RALGAPA1: variants seen among roughly 807,000 people sequenced by gnomAD.
The protein encoded by RALGAPA1 is ral GTPase-activating protein subunit alpha-1.
In RALGAPA1, 52 loss-of-function variants were observed where a neutral mutation model predicts 269.6. The ratio of observed to expected loss-of-function variants is 0.19; its 90% CI spans 0.15 to 0.24. RALGAPA1 has a LOEUF of 0.24. RALGAPA1 is among the 10% of genes least tolerant of loss of function. RALGAPA1 has a pLI of 1.00. For missense variants in RALGAPA1, 1,917 were observed against 3,013.9 expected, an observed-to-expected ratio of 0.64 and a Z score of 8.52; for synonymous variants, 817 against 1,008.3, an observed-to-expected ratio of 0.81 and a Z score of 3.60.
At chr14:35,709,535 T>C (rs1362278754) in intron 16 of RALGAPA1, among the ~76,000 whole-genome samples, 3 of 152,174 alleles carry the variant, frequency 2.0e-5, no homozygotes, top group Non-Finnish European at 4.4e-5. Context: ...GATTTTTCTC[T>C]AGTGATTTCC....
In RALGAPA1 at chr14:35,808,272, C is replaced by T. The variant is rs566215733; in HGVS notation, c.106+458G>A. Among the ~76,000 whole-genome samples the T allele has an allele frequency of 2.0e-5, 3 of 152,284 alleles. No individual in the cohort carries two copies. The East Asian group carries it at 5.8e-4, about 29-fold the overall frequency. On this transcript the variant is annotated intron_variant, in intron 1 of 41. Coordinates refer to ENST00000680220, the MANE Select transcript of RALGAPA1 (RefSeq NM_001346249.2). ...TTCCCACAGCTTTTTGGGAACCGCC[C>T]ACTTCCCAAAGAGGTGTAACTGCTA...
At chr14:35,617,338 C>T (rs1431576083) in intron 35 of RALGAPA1, among the ~76,000 whole-genome samples, 1 of 152,074 alleles carries the variant, frequency 6.6e-6, no homozygotes. Context: ...AAAAATTAGG[C>T]TGGGCACAGT....
rs1222047093 is a variant in RALGAPA1 at position 35,655,863 on chromosome 14, C to T, written c.5440G>A (p.Glu1814Lys). The change falls in exon 29 of 42, where the codon GAG (glutamate) becomes AAG (lysine). Residue 1814 changes from glutamate (E) to lysine (K), a missense_variant. By Grantham distance (56) the Glu-to-Lys change is moderately conservative (BLOSUM62 1). This residue lies in a region of RALGAPA1 where 346 missense variants were observed against 566.1 expected (regional missense o/e 0.61). Transcript: ENST00000680220. ...GIWICEELVHESHHPQIKEAL... is the reference protein window; with the variant it reads ...GIWICEELVHKSHHPQIKEAL... ...TCCTTAATTTGAGGATGATGAGACT[C>T]ATGGACTAGTTCTTCACAAATCCAA... is the stretch of plus-strand genomic sequence containing the variant. 6.2e-7 allele frequency: 1 copy of T among 1,613,446 alleles called. No homozygotes were observed. Among genetic ancestry groups the T allele is most frequent in the Non-Finnish European group, 8.5e-7 (1 of 1,179,646 alleles).
intron 36 of RALGAPA1, among the ~76,000 whole-genome samples, chr14:35,600,090 G>A (rs1329552169): frequency 6.7e-6 from 1 of 149,082 alleles, no homozygotes; most frequent in Non-Finnish European, 1.5e-5. Flanking sequence ...TCAGACCCAG[G>A]CTCTTTCTCC....
chr14:35,648,450 A>C (rs979268640), intron 31 of RALGAPA1, among the ~76,000 whole-genome samples: 10 of 150,162 alleles, frequency 6.7e-5, no homozygotes, highest in African/African-American at 2.5e-4. Flanking sequence ...TGGGCAACAG[A>C]GCAAAACTCC....
intron 38 of RALGAPA1, among the ~76,000 whole-genome samples, chr14:35,572,074 A>G (rs2139466918): frequency 6.6e-6 from 1 of 152,316 alleles, no homozygotes; most frequent in Non-Finnish European, 1.5e-5. Context: ...GTGTATATAT[A>G]AGACATCCAA....
intron 12 of RALGAPA1, among the ~76,000 whole-genome samples, chr14:35,735,635 A>G (rs2070915983): frequency 6.6e-6 from 1 of 152,146 alleles, no homozygotes; most frequent in African/African-American, 2.4e-5. Flanking sequence ...TGGGTGCACC[A>G]AAATCTCATA....
At position 35,672,849 on chromosome 14, in the gene RALGAPA1, A is replaced by G. The variant is rs114482963; in HGVS notation, c.5073+18T>C. Reference sequence around the variant, plus strand: ...TGATATAAACTACTTCTTAGATGATACATATATATATAGTTACCTGGTCAA... The same window carrying G: ...TGATATAAACTACTTCTTAGATGATGCATATATATATAGTTACCTGGTCAA... On this transcript the variant is annotated intron_variant, in intron 25 of 41. Transcript: ENST00000680220. 2,875 of 1,490,034 alleles carry G rather than the reference A, an allele frequency of 1.9e-3. 59 individuals are homozygous for G. In the African/African-American group the frequency reaches 0.038, roughly 20 times the overall value. The allele number at this position is 1,490,034 out of a possible 1,614,324, so 92.3% of individuals were successfully genotyped here.
At position 35,664,701 on chromosome 14, in the gene RALGAPA1, G is replaced by A. The variant is rs762264743; in HGVS notation, c.5269C>T (p.Leu1757=). ...LVCFPNLYCE[L]PSLHPNIPDV... is the part of the protein sequence containing the mutation. ...GGAATGTTGGGATGAAGAGAAGGCA[G>A]TTCACAATATAAGTTGGGAAAGCAA... is the stretch of plus-strand genomic sequence containing the variant. Residue 1757 remains leucine (L), a synonymous_variant, in exon 27 of 42, where the codon CTG becomes TTG. Coordinates refer to ENST00000680220, the MANE Select transcript of RALGAPA1 (RefSeq NM_001346249.2). The A allele has an allele frequency of 1.2e-6, 2 of 1,612,664 alleles. No individual in the cohort carries two copies. The highest frequency in any genetic ancestry group is 3.3e-5 in the Admixed American group (2 of 59,936).
Position 35,675,589 on chromosome 14 carries a change from C to T in RALGAPA1, c.4625-880G>A, listed in dbSNP as rs570238871. On this transcript the variant is annotated intron_variant, in intron 22 of 41. Coordinates refer to ENST00000680220, the MANE Select transcript of RALGAPA1 (RefSeq NM_001346249.2). ...ACATAGGTAATCTTAGTTCTAGTCT[C>T]TTTCTGCTACTAATTATGTGTTATA... 3.9e-5 allele frequency among the ~76,000 whole-genome samples: 6 copies of T among 152,330 alleles called. No homozygotes were observed. In the East Asian group the frequency reaches 1.2e-3, roughly 29 times the overall value.
At chr14:35,805,787 C>T (rs987424398) in intron 1 of RALGAPA1, among the ~76,000 whole-genome samples, 7 of 151,148 alleles carry the variant, frequency 4.6e-5, no homozygotes, top group African/African-American at 9.7e-5. Context: ...CAGGTTCACG[C>T]GATTCTCCTG....
chr14:35,691,518 T>C (rs1228848826), intron 17 of RALGAPA1, among the ~76,000 whole-genome samples: 5 of 152,122 alleles, frequency 3.3e-5, no homozygotes, highest in African/African-American at 9.7e-5. Flanking sequence ...AATGAGAAAA[T>C]TTAGATCCAG....
In RALGAPA1 at chr14:35,594,445, A is replaced by G. The variant is rs376924282; in HGVS notation, c.7209+1189T>C. Reference sequence around the variant, plus strand: ...GCAGAAAAGCAAATAAACGGATTAAAAACTGGACCTAAACAGACATTTATT... The same window carrying G: ...GCAGAAAAGCAAATAAACGGATTAAGAACTGGACCTAAACAGACATTTATT... On this transcript the variant is annotated intron_variant, in intron 37 of 41. Transcript: ENST00000680220. Among the ~76,000 whole-genome samples, 29 of 152,238 alleles carry G rather than the reference A, an allele frequency of 1.9e-4. No individual in the cohort carries two copies. The East Asian group carries it at 5.4e-3, about 28-fold the overall frequency.
At chr14:35,697,956 CA>C (rs2067029880) in intron 17 of RALGAPA1, among the ~76,000 whole-genome samples, 1 of 152,144 alleles carries the variant, frequency 6.6e-6, no homozygotes, top group South Asian at 2.1e-4. Flanking sequence ...GCAGTAAAAG[CA>C]TCTGAAGTTG....
chr14:35,723,268 T>C lies in RALGAPA1; in HGVS notation c.1867-4A>G, dbSNP rs774047888. 3 of 1,471,416 alleles carry C rather than the reference T, an allele frequency of 2.0e-6. No homozygotes were observed. The highest frequency in any genetic ancestry group is 1.8e-4 in the Middle Eastern group (1 of 5,690). 91.1% of individuals were successfully genotyped at this position (1,471,416 alleles called of 1,614,324 possible). On this transcript the variant is annotated splice_region_variant and splice_polypyrimidine_tract_variant and intron_variant, in intron 14 of 41. Transcript: ENST00000680220. ...TGATCCAGGCAACTATAAGGGTCTATAAAGACAAATATCAGAAATAACAAT... is the reference window on the plus strand; with the variant it reads ...TGATCCAGGCAACTATAAGGGTCTACAAAGACAAATATCAGAAATAACAAT...
At chr14:35,548,670 T>C in intron 40 of RALGAPA1, 132 bp from the exon 41 acceptor site, 1 of 564,784 alleles carries the variant, frequency 1.8e-6, no homozygotes, top group South Asian at 2.9e-5. Flanking sequence ...CTTACACTCT[T>C]TAATTATTGT....
intron 1 of RALGAPA1, among the ~76,000 whole-genome samples, chr14:35,793,399 G>A (rs1264083589): frequency 1.3e-5 from 2 of 151,882 alleles, no homozygotes; most frequent in African/African-American, 2.4e-5. Context: ...CACCATGCCC[G>A]ACTAATTTTG....
At chr14:35,625,571 C>A in intron 34 of RALGAPA1, 139 bp from the exon 35 acceptor site, 1 of 516,372 alleles carries the variant, frequency 1.9e-6, no homozygotes, top group South Asian at 3.3e-5. Context: ...GGAGAACAGA[C>A]CCTAAAAAAA....
intron 1 of RALGAPA1, among the ~76,000 whole-genome samples, chr14:35,786,793 C>T (rs1267971919): frequency 6.6e-6 from 1 of 152,130 alleles, no homozygotes; most frequent in African/African-American, 2.4e-5. Context: ...CTTCCACTTG[C>T]CTGCATTCAT....
Sources: gnomAD v4.1 joint callset for allele counts (sites outside exome capture counted in the v4.1 genomes callset) on GRCh38, gnomAD v4.1.1 for gene constraint, gnomAD v4.1.1 regional missense constraint, MANE v1.5 for transcripts, NCBI Gene and HGNC (gene_info 2026-07-23, HGNC 2026-07-21) for gene names.